Variants in SUFU observed in about 807,000 individuals in gnomAD.
The protein encoded by SUFU is SUFU negative regulator of hedgehog signaling, also known as suppressor of fused homolog.
SUFU carries 7 observed loss-of-function variants against 58.9 expected under a neutral mutation model. The ratio of observed to expected loss-of-function variants is 0.12; its 90% confidence interval spans 0.07 to 0.22. The LOEUF (loss-of-function observed/expected upper bound fraction) is 0.22, where lower values mean the gene tolerates loss of function less well. Ranked by LOEUF, SUFU falls within the 10% of genes least tolerant of loss-of-function variation. The pLI is 1.00. For missense variants in SUFU, 451 were observed against 641.3 expected, an observed-to-expected ratio of 0.70 and a Z score of 3.20; for synonymous variants, 232 against 254.8, an observed-to-expected ratio of 0.91 and a Z score of 0.85.
intron 3 of SUFU, among the ~76,000 whole-genome samples, chr10:102,578,257 A>G (rs12767100): frequency 6.6e-6 from 1 of 150,682 alleles, no homozygotes; most frequent in Non-Finnish European, 1.5e-5. Flanking sequence ...GTCTCAAAAA[A>G]AAAAACAAAA....
chr10:102,547,855 GAGAA>G (rs761920315), intron 2 of SUFU, among the ~76,000 whole-genome samples: 3 of 151,856 alleles, frequency 2.0e-5, no homozygotes, highest in Non-Finnish European at 4.4e-5. Flanking sequence ...GAAAGAAAGA[GAGAA>G]AGAAAGAGAG....
At chr10:102,522,881 G>T (rs977340957) in intron 2 of SUFU, among the ~76,000 whole-genome samples, 13 of 152,176 alleles carry the variant, frequency 8.5e-5, no homozygotes, top group Non-Finnish European at 2.9e-5. Flanking sequence ...GTCCTCATTG[G>T]GCTGAAGGGT....
chr10:102,586,409 T>A (rs10444069), intron 3 of SUFU, among the ~76,000 whole-genome samples: 1 of 151,666 alleles, frequency 6.6e-6, no homozygotes, highest in Non-Finnish European at 1.5e-5. Context: ...CACGGTGGCT[T>A]ACGCCTGTAA....
chr10:102,585,386 T>C (rs2063326053), intron 3 of SUFU, among the ~76,000 whole-genome samples: 1 of 152,194 alleles, frequency 6.6e-6, no homozygotes, highest in Non-Finnish European at 1.5e-5. Context: ...GTTCATGTTA[T>C]AGTATATATT....
At chr10:102,536,835 G>A (rs992774102) in intron 2 of SUFU, among the ~76,000 whole-genome samples, 4 of 151,856 alleles carry the variant, frequency 2.6e-5, no homozygotes, top group South Asian at 4.2e-4. Flanking sequence ...TTTTGAGATG[G>A]AGTCTTACTC....
intron 8 of SUFU, 77 bp downstream of exon 8, chr10:102,599,621 A>G: frequency 8.0e-7 from 1 of 1,251,004 alleles, no homozygotes; most frequent in Admixed American, 1.8e-5. Context: ...GGATTGCATG[A>G]GAGAGAACAA....
intron 2 of SUFU, 119 bp downstream of exon 2, chr10:102,509,422 G>T (rs2062372185): frequency 7.0e-7 from 1 of 1,418,718 alleles, no homozygotes; most frequent in Non-Finnish European, 9.8e-7. Context: ...CTGCATTTCT[G>T]CCCTCTGACT....
At chr10:102,608,580 G>A (rs1300894120) in intron 8 of SUFU, among the ~76,000 whole-genome samples, 1 of 152,144 alleles carries the variant, frequency 6.6e-6, no homozygotes, top group Non-Finnish European at 1.5e-5. Flanking sequence ...GAAGATAATG[G>A]GGGGAACTTG....
intron 3 of SUFU, among the ~76,000 whole-genome samples, chr10:102,569,101 T>A (rs1022062264): frequency 2.0e-5 from 3 of 151,260 alleles, no homozygotes; most frequent in Admixed American, 1.3e-4. Context: ...ACTATAAGAT[T>A]GTTGCCCATA....
At chr10:102,607,060 ATT>A (rs34836365) in intron 8 of SUFU, among the ~76,000 whole-genome samples, 4 of 143,892 alleles carry the variant, frequency 2.8e-5, no homozygotes, top group Admixed American at 7.0e-5. Context: ...GGTAAGAGTA[ATT>A]TTTTTTTTTT....
chr10:102,518,549 T>TATCTATC (rs35214493), intron 2 of SUFU, among the ~76,000 whole-genome samples: 20,729 of 78,796 alleles, frequency 0.26, 1,750 homozygotes, highest in Middle Eastern at 0.35. Context: ...ATCTATCTAT[T>TATCTATC]TATTTATTTA....
intron 8 of SUFU, among the ~76,000 whole-genome samples, chr10:102,606,677 C>T (rs757542228): frequency 1.3e-5 from 2 of 152,106 alleles, no homozygotes; most frequent in East Asian, 1.9e-4. Flanking sequence ...GCCTGCATGC[C>T]GGTGCACAGA....
At chr10:102,523,749 C>T (rs1352001364) in intron 2 of SUFU, among the ~76,000 whole-genome samples, 1 of 152,220 alleles carries the variant, frequency 6.6e-6, no homozygotes, top group African/African-American at 2.4e-5. Flanking sequence ...AGCAGGGAGC[C>T]TTCGGAGTTA....
At chr10:102,573,764 A>C (rs1456047748) in intron 3 of SUFU, among the ~76,000 whole-genome samples, 1 of 152,192 alleles carries the variant, frequency 6.6e-6, no homozygotes, top group African/African-American at 2.4e-5. Context: ...CACTTACATA[A>C]GGTACTTAGA....
intron 2 of SUFU, among the ~76,000 whole-genome samples, chr10:102,545,027 T>C (rs1368644743): frequency 6.6e-6 from 1 of 152,180 alleles, no homozygotes; most frequent in Admixed American, 6.5e-5. Flanking sequence ...TTGATGGACA[T>C]TTGGGTTGTT....
intron 3 of SUFU, among the ~76,000 whole-genome samples, chr10:102,558,649 CTCA>C (rs2063005387): frequency 6.6e-6 from 1 of 152,238 alleles, no homozygotes; most frequent in South Asian, 2.1e-4. Flanking sequence ...CTTCCCTCTG[CTCA>C]TCACTTCCAA....
chr10:102,593,522 A>AGATC lies in SUFU; in HGVS notation c.598-113_598-110dup, dbSNP rs1471825510. 6 of 1,044,264 alleles carry AGATC rather than the reference A, an allele frequency of 5.7e-6. No individual in the cohort carries two copies. The Admixed American group carries it at 1.0e-4, about 18-fold the overall frequency. 64.7% of individuals were successfully genotyped at this position (1,044,264 alleles called of 1,614,324 possible). A position where few individuals can be genotyped will look rare whatever the true frequency, so the allele number is the denominator to read the frequency against. ...CTTGGCTGCACCAGCTCCTGAGCAC[A>AGATC]GATCCTGCCTGTGGTCTCCCAACTG... is the stretch of plus-strand genomic sequence containing the variant. On this transcript the variant is annotated intron_variant, in intron 4 of 11. Transcript: ENST00000369902.
intron 3 of SUFU, among the ~76,000 whole-genome samples, chr10:102,565,453 A>C (rs2063077530): frequency 6.6e-6 from 1 of 152,184 alleles, no homozygotes; most frequent in African/African-American, 2.4e-5. Flanking sequence ...GTGTTGCTGA[A>C]GGATTTTCTT....
intron 2 of SUFU, among the ~76,000 whole-genome samples, chr10:102,534,861 G>T (rs567922614): frequency 1.2e-4 from 18 of 152,092 alleles, no homozygotes; most frequent in African/African-American, 4.3e-4. Context: ...ATAGTCTCTG[G>T]GTCCAGCTGG....
Sources: allele counts gnomAD v4.1 joint callset (sites outside exome capture counted in the v4.1 genomes callset), GRCh38; gene constraint gnomAD v4.1.1; transcripts MANE v1.5; gene names NCBI Gene and HGNC (gene_info 2026-07-23, HGNC 2026-07-21).